SMYD5: variants seen among roughly 807,000 people sequenced by gnomAD.
SMYD5 encodes SMYD family member 5.
A neutral mutation model predicts 57.4 loss-of-function variants in SMYD5; 35 were observed. The observed-to-expected ratio is 0.61, with a 90% confidence interval of 0.47 to 0.81. The LOEUF (loss-of-function observed/expected upper bound fraction) is 0.81. SMYD5 is among the 30% of genes least tolerant of loss of function. The pLI is 0.00. For missense variants in SMYD5, 471 were observed against 527.9 expected (o/e 0.89, Z 1.06); for synonymous variants, 198 against 189.7 (o/e 1.04, Z -0.36).
chr2:73,214,487 C>G (rs1421527452), intron 1 of SMYD5, 125 bp downstream of exon 1: 2 of 1,512,628 alleles, frequency 1.3e-6, no homozygotes, highest in African/African-American at 2.8e-5. Flanking sequence ...CCTGCCCCTG[C>G]TCGCGGCCCG....
At position 73,221,922 on chromosome 2, in the gene SMYD5, A is replaced by G. The variant is rs1686405162; in HGVS notation, c.634A>G (p.Lys212Glu). Residue 212 changes from lysine to glutamate, a missense_variant, in exon 6 of 13, where the codon AAA (lysine) becomes GAA (glutamate). By Grantham distance (56) the Lys-to-Glu change is moderately conservative (BLOSUM62 1). Coordinates refer to ENST00000389501, the MANE Select transcript of SMYD5 (RefSeq NM_006062.3). ...AATTGTCCATAAACTTCTGGGAGAC[A>G]AATTCAAGGTTATTATTCTCCCGTG... ...EEIVHKLLGD[K>E]FKGQLELLRR... The G allele has an allele frequency of 1.3e-6, 2 of 1,599,882 alleles. No individual in the cohort carries two copies. Among genetic ancestry groups the G allele is most frequent in the Non-Finnish European group, 1.7e-6 (2 of 1,167,098 alleles).
chr2:73,221,231 G>C lies in SMYD5; in HGVS notation c.534G>C (p.Lys178Asn). ...MLMARMVATV[K>N]QAKDKDRWIR... ...TGGCTAGGATGGTGGCCACAGTGAAGCAGGTGAGCCCACCCAACCCTCTCG... is the reference window on the plus strand; with the variant it reads ...TGGCTAGGATGGTGGCCACAGTGAACCAGGTGAGCCCACCCAACCCTCTCG... The change falls in exon 5 of 13, where the codon AAG (lysine) becomes AAC (asparagine). Residue 178 changes from lysine (K) to asparagine (N), a missense_variant. Lys to Asn is a moderately conservative substitution (Grantham distance 94). Transcript: ENST00000389501. The C allele has an allele frequency of 1.2e-6, 2 of 1,613,720 alleles. No homozygotes were observed. The highest frequency in any genetic ancestry group is 8.5e-7 in the Non-Finnish European group (1 of 1,179,754).
chr2:73,214,600 C>A, intron 1 of SMYD5: 1 of 1,506,768 alleles, frequency 6.6e-7, no homozygotes, highest in Non-Finnish European at 8.9e-7. Flanking sequence ...GGAATTCGGC[C>A]AGCCCGCGGG....
At chr2:73,223,603 T>C in intron 9 of SMYD5, 71 bp downstream of exon 9, 1 of 1,074,440 alleles carries the variant, frequency 9.3e-7, no homozygotes, top group East Asian at 2.4e-5. Flanking sequence ...ACACAAAGTC[T>C]TTCCCCAGGG....
At chr2:73,222,369 G>T (rs959532606) in intron 6 of SMYD5, among the ~76,000 whole-genome samples, 7 of 152,182 alleles carry the variant, frequency 4.6e-5, no homozygotes, top group African/African-American at 1.7e-4. Context: ...GTGGAGGCAG[G>T]TGTGTACAAG....
chr2:73,214,321 G>C lies in SMYD5; in HGVS notation c.55G>C (p.Ala19Pro), dbSNP rs1476915629. 1.2e-6 allele frequency: 2 copies of C among 1,613,476 alleles called. No homozygotes were observed. Among genetic ancestry groups the C allele is most frequent in the Admixed American group, 1.7e-5 (1 of 60,002 alleles). ...FSFCVGVAGRARVSVEVRFVS... is the reference protein window; with the variant it reads ...FSFCVGVAGRPRVSVEVRFVS... ...CTTCTGCGTGGGCGTGGCGGGCCGC[G>C]CGCGGGTCTCCGTGGAAGTCCGTTT... is the stretch of plus-strand genomic sequence containing the variant. Residue 19 changes from alanine (A) to proline (P), a missense_variant, in exon 1 of 13, where the codon GCG becomes CCG. Transcript: ENST00000389501.
chr2:73,219,905 A>G (rs1225454149), intron 2 of SMYD5, 146 bp from the exon 3 acceptor site: 1 of 930,026 alleles, frequency 1.1e-6, no homozygotes, highest in South Asian at 1.3e-5. Flanking sequence ...TCATCCATGC[A>G]TGTAATTATT....
chr2:73,220,125 G>C lies in SMYD5; in HGVS notation c.280G>C (p.Val94Leu), dbSNP rs1468124452. ...AQRLTGKPGQ[V>L]LPHPELCTVR... ...GAGGCTGACCGGGAAACCAGGCCAG[G>C]TTCTGCCTCACCCAGAGCTGTGCAC... Residue 94 changes from valine to leucine, a missense_variant, in exon 3 of 13, where the codon GTT (valine) becomes CTT (leucine). By Grantham distance (32) the Val-to-Leu change is conservative. Coordinates refer to ENST00000389501, the MANE Select transcript of SMYD5 (RefSeq NM_006062.3). 1 of 1,614,204 alleles carries C rather than the reference G, an allele frequency of 6.2e-7. No individual in the cohort carries two copies. The highest frequency in any genetic ancestry group is 8.5e-7 in the Non-Finnish European group (1 of 1,180,032).
chr2:73,223,716 C>T (rs572398770), intron 9 of SMYD5, among the ~76,000 whole-genome samples, 184 bp downstream of exon 9: 1 of 152,212 alleles, frequency 6.6e-6, no homozygotes, highest in Non-Finnish European at 1.5e-5. Context: ...AAGATGTATC[C>T]AGAGGCTTGA....
intron 6 of SMYD5, among the ~76,000 whole-genome samples, chr2:73,222,133 G>C (rs1686408766): frequency 6.6e-6 from 1 of 152,174 alleles, no homozygotes; most frequent in African/African-American, 2.4e-5. Context: ...GGGAAGTGGG[G>C]TGACAACAGA....
chr2:73,214,496 CGG>C lies in SMYD5; in HGVS notation c.96+138_96+139del, dbSNP rs1337289826. 4 of 1,496,518 alleles carry C rather than the reference CGG, an allele frequency of 2.7e-6. No individual in the cohort carries two copies. In the African/African-American group the frequency reaches 5.6e-5, roughly 21 times the overall value. The allele number at this position is 1,496,518 out of a possible 1,614,324, so 92.7% of individuals were successfully genotyped here. On this transcript the variant is annotated intron_variant, in intron 1 of 12. Coordinates refer to ENST00000389501, the MANE Select transcript of SMYD5 (RefSeq NM_006062.3). ...TACGGCCCTGCCCCTGCTCGCGGCCCGGGGGCTCCCAGTCTGTCCCTGCGCGC... is the reference window on the plus strand; with the variant it reads ...TACGGCCCTGCCCCTGCTCGCGGCCCGGGCTCCCAGTCTGTCCCTGCGCGC...
At chr2:73,215,868 G>C (rs946154172) in intron 1 of SMYD5, among the ~76,000 whole-genome samples, 3 of 152,054 alleles carry the variant, frequency 2.0e-5, no homozygotes, top group African/African-American at 7.3e-5. Context: ...AATGAGATTG[G>C]TTTGTGATTT....
In SMYD5 at chr2:73,225,333, T is replaced by G. The variant is rs976082203; in HGVS notation, c.1036-298T>G. The stretch of plus-strand genomic sequence containing the variant: ...CTGGTTGAATCTTCTTGAGGGCAAG[T>G]AGCATCATACCAAGACCTCTGATCC... On this transcript the variant is annotated intron_variant, in intron 11 of 12. Coordinates refer to ENST00000389501, the MANE Select transcript of SMYD5 (RefSeq NM_006062.3). The G allele has an allele frequency of 5.0e-5, 26 of 518,022 alleles. No homozygotes were observed. The South Asian group carries it at 5.3e-4, about 11-fold the overall frequency. 32.1% of individuals were successfully genotyped at this position (518,022 alleles called of 1,614,324 possible). A position where few individuals can be genotyped will look rare whatever the true frequency, so the allele number is the denominator to read the frequency against.
At chr2:73,217,908 A>G (rs1686318587) in intron 1 of SMYD5, among the ~76,000 whole-genome samples, 2 of 152,208 alleles carry the variant, frequency 1.3e-5, no homozygotes, top group South Asian at 4.1e-4. Context: ...ATGGCAGTTC[A>G]GAGGTTTTTT....
chr2:73,222,683 G>A lies in SMYD5; in HGVS notation c.643-72G>A, dbSNP rs572355355. 3.9e-5 allele frequency: 52 copies of A among 1,336,962 alleles called. No homozygotes were observed. The East Asian group carries it at 1.0e-3, about 26-fold the overall frequency. 82.8% of individuals were successfully genotyped at this position (1,336,962 alleles called of 1,614,324 possible). On this transcript the variant is annotated intron_variant, in intron 6 of 12. Transcript: ENST00000389501. ...CCCTTTTTCCTTCCCTCCCCTAGTC[G>A]CCTGGGCCCTGCCTGGGTGCTAATG...
Position 73,214,359 on chromosome 2 carries a change from C to T in SMYD5, c.93C>T (p.Ala31=), listed in dbSNP as rs767479519. 2 of 1,613,336 alleles carry T rather than the reference C, an allele frequency of 1.2e-6. No homozygotes were observed. The highest frequency in any genetic ancestry group is 1.3e-5 in the African/African-American group (1 of 74,896). ...VSVEVRFVSS[A]KGKGLFATQL... ...TGGAAGTCCGTTTCGTGAGCAGCGCCAAGGTGAGGTCGGGGCGGGTCCTGC... is the reference window on the plus strand; with the variant it reads ...TGGAAGTCCGTTTCGTGAGCAGCGCTAAGGTGAGGTCGGGGCGGGTCCTGC... The change falls in exon 1 of 13, where the codon GCC becomes GCT. Residue 31 remains alanine, a synonymous_variant. Transcript: ENST00000389501.
chr2:73,214,820 G>A, intron 1 of SMYD5: 1 of 1,306,838 alleles, frequency 7.7e-7, no homozygotes, highest in Non-Finnish European at 1.0e-6. Context: ...TTGGACCAGA[G>A]TCCAAAGGCC....
At chr2:73,219,040 A>C (rs1382814639) in intron 2 of SMYD5, 71 bp downstream of exon 2, 7 of 1,093,736 alleles carry the variant, frequency 6.4e-6, no homozygotes, top group Middle Eastern at 2.0e-4. Context: ...ATACATCCCT[A>C]CTGGCTGACG....
chr2:73,223,019 C>CT lies in SMYD5; in HGVS notation c.706-11dup, dbSNP rs760113548. On this transcript the variant is annotated splice_polypyrimidine_tract_variant and intron_variant, in intron 7 of 12. Transcript: ENST00000389501. ...CAGTGGCTGTAATGAGCACTCATCT[C>CT]TTTTTTCCCCCCACAGTGGTTCACT... 4.0e-5 allele frequency: 65 copies of CT among 1,611,374 alleles called. No homozygotes were observed. The highest frequency in any genetic ancestry group is 5.3e-5 in the Non-Finnish European group (62 of 1,177,566).
Sources: allele counts gnomAD v4.1 joint callset (sites outside exome capture counted in the v4.1 genomes callset), GRCh38; gene constraint gnomAD v4.1.1; transcripts MANE v1.5; gene names NCBI Gene and HGNC (gene_info 2026-07-23, HGNC 2026-07-21).